Variants in EFCAB13 observed in about 807,000 individuals in gnomAD.
EFCAB13 encodes the protein EF-hand calcium binding domain 13, also known as EF-hand calcium-binding domain-containing protein 13.
In EFCAB13, 91 loss-of-function variants were observed where a neutral mutation model predicts 110.2. That is an observed-to-expected ratio of 0.83 (90% CI 0.70 to 0.98). EFCAB13 has a LOEUF of 0.98. Among genes scored for constraint, EFCAB13 ranks in the 50% least tolerant of loss-of-function variants. The pLI is 0.00. For synonymous variants in EFCAB13, 323 were observed against 369.9 expected (o/e 0.87, Z 1.45); for missense variants, 968 against 1,119.4 (o/e 0.86, Z 1.93).
At chr17:47,328,026 T>G (rs2065297306) in intron 3 of EFCAB13, 2 of 464,966 alleles carry the variant, frequency 4.3e-6, no homozygotes, top group South Asian at 9.9e-5. Flanking sequence ...TTCTCAGCTT[T>G]GTATGCCATT....
chr17:47,336,592 ATTTTTTTTT>A (rs66495523), intron 5 of EFCAB13, among the ~76,000 whole-genome samples: 2 of 119,526 alleles, frequency 1.7e-5, no homozygotes, highest in South Asian at 5.3e-4. Flanking sequence ...CACCTGGCCA[ATTTTTTTTT>A]TTTTTTTTTT....
At chr17:47,399,766 A>C (rs1370117551) in intron 17 of EFCAB13, among the ~76,000 whole-genome samples, 6 of 151,808 alleles carry the variant, frequency 4.0e-5, no homozygotes, top group Non-Finnish European at 7.4e-5. Context: ...AAAATTAAAA[A>C]ATAATTTTAT....
chr17:47,421,283 C>T (rs1904696606), intron 23 of EFCAB13, among the ~76,000 whole-genome samples: 1 of 152,076 alleles, frequency 6.6e-6, no homozygotes, highest in African/African-American at 2.4e-5. Flanking sequence ...GGAGACTTTT[C>T]ATTTTGCTCT....
intron 14 of EFCAB13, among the ~76,000 whole-genome samples, chr17:47,379,797 C>T (rs1598741709): frequency 1.3e-5 from 2 of 151,880 alleles, no homozygotes; most frequent in South Asian, 4.1e-4. Context: ...AAATGAGAAA[C>T]GAAAGATATT....
chr17:47,346,433 A>ACCG (rs2065416377), intron 8 of EFCAB13, among the ~76,000 whole-genome samples: 1 of 94,362 alleles, frequency 1.1e-5, no homozygotes, highest in Admixed American at 1.2e-4. Flanking sequence ...AACGTACTTT[A>ACCG]CCCCCCCCCC....
intron 17 of EFCAB13, among the ~76,000 whole-genome samples, chr17:47,398,138 C>T (rs2065756309): frequency 7.0e-6 from 1 of 143,586 alleles, no homozygotes. Flanking sequence ...CCCTGGCCAG[C>T]CACCCCGTCT....
intron 9 of EFCAB13, among the ~76,000 whole-genome samples, chr17:47,356,767 A>C (rs1424113301): frequency 1.3e-5 from 2 of 152,178 alleles, no homozygotes; most frequent in African/African-American, 4.8e-5. Context: ...CCCTAGGGTC[A>C]GGTGGTGGGC....
intron 23 of EFCAB13, among the ~76,000 whole-genome samples, chr17:47,425,051 T>G (rs1284108287): frequency 6.8e-6 from 1 of 147,130 alleles, no homozygotes; most frequent in African/African-American, 2.5e-5. Flanking sequence ...CCCGGCTAAT[T>G]TTTTGTATTT....
At chr17:47,410,260 G>A (rs2065827594) in intron 21 of EFCAB13, among the ~76,000 whole-genome samples, 1 of 152,170 alleles carries the variant, frequency 6.6e-6, no homozygotes, top group African/African-American at 2.4e-5. Context: ...GAGAGCAAGA[G>A]AGCAAGAGGA....
chr17:47,427,073 A>G (rs1302816061), intron 23 of EFCAB13, among the ~76,000 whole-genome samples: 1 of 152,104 alleles, frequency 6.6e-6, no homozygotes, highest in Non-Finnish European at 1.5e-5. Context: ...ATATCATATG[A>G]TAGTTGTAAG....
At chr17:47,414,706 C>G in intron 22 of EFCAB13, 142 bp from the exon 23 acceptor site, 2 of 646,194 alleles carry the variant, frequency 3.1e-6, no homozygotes, top group Non-Finnish European at 5.6e-6. Context: ...GTTAAAAGTT[C>G]TATTGAAATA....
intron 20 of EFCAB13, chr17:47,409,339 A>G (rs1005110064): frequency 5.9e-5 from 16 of 271,848 alleles, no homozygotes; most frequent in South Asian, 4.6e-4. Context: ...TAAGGATTTT[A>G]TTGAATAGAC....
In EFCAB13 at chr17:47,343,302, T is replaced by A. The variant is rs577474077; in HGVS notation, c.304-860T>A. On this transcript the variant is annotated intron_variant, in intron 6 of 24. Coordinates refer to ENST00000331493, the MANE Select transcript of EFCAB13 (RefSeq NM_152347.5). ...TTAAATGAATTTTTTGGTTTCTGTT[T>A]CCCTGGCCCATATATTTAGTGTAGA... Among the ~76,000 whole-genome samples the A allele has an allele frequency of 5.1e-4, 77 of 152,300 alleles. 1 individual carries two copies. The South Asian group carries it at 0.015, about 29-fold the overall frequency.
chr17:47,393,923 A>T (rs1477857764), intron 15 of EFCAB13, 102 bp from the exon 16 acceptor site: 1 of 576,634 alleles, frequency 1.7e-6, no homozygotes, highest in Admixed American at 3.7e-5. Context: ...CCTGATGGAT[A>T]TAATTATATA....
chr17:47,333,682 A>C (rs2065332926), intron 4 of EFCAB13, among the ~76,000 whole-genome samples: 1 of 152,202 alleles, frequency 6.6e-6, no homozygotes, highest in Non-Finnish European at 1.5e-5. Flanking sequence ...CCATTTATTG[A>C]AGAGACTGTT....
chr17:47,409,426 G>T, intron 20 of EFCAB13: 1 of 475,622 alleles, frequency 2.1e-6, no homozygotes. Context: ...TTAAGGAGTT[G>T]GTGGAAGATA....
chr17:47,360,083 C>CA (rs934023190), intron 9 of EFCAB13, among the ~76,000 whole-genome samples: 11 of 152,148 alleles, frequency 7.2e-5, no homozygotes, highest in Non-Finnish European at 5.9e-5. Flanking sequence ...CCGCAATAAA[C>CA]AAACATGTGC....
chr17:47,415,779 G>A (rs902766842), intron 23 of EFCAB13, among the ~76,000 whole-genome samples: 20 of 151,926 alleles, frequency 1.3e-4, no homozygotes, highest in South Asian at 2.1e-4. Context: ...CTAAATCCTC[G>A]CAGTATCAAT....
At chr17:47,380,387 A>C (rs1598741956) in intron 14 of EFCAB13, among the ~76,000 whole-genome samples, 1 of 152,190 alleles carries the variant, frequency 6.6e-6, no homozygotes, top group Admixed American at 6.5e-5. Context: ...AGCTTCATCC[A>C]TGTCCCTGCA....
Sources: gnomAD v4.1 joint callset for allele counts (sites outside exome capture counted in the v4.1 genomes callset) on GRCh38, gnomAD v4.1.1 for gene constraint, MANE v1.5 for transcripts, NCBI Gene and HGNC (gene_info 2026-07-23, HGNC 2026-07-21) for gene names.